CNTRL: variants seen among roughly 807,000 people sequenced by gnomAD.
CNTRL encodes the protein centriolin.
CNTRL carries 233 observed loss-of-function variants against 303.7 expected under a neutral mutation model. That is an observed-to-expected ratio of 0.77 (90% CI 0.69 to 0.86). The LOEUF (loss-of-function observed/expected upper bound fraction) is 0.86. Among genes scored for constraint, CNTRL ranks in the 40% least tolerant of loss-of-function variants. The pLI, the probability that CNTRL is intolerant of heterozygous loss-of-function variation, is 0.00. For missense variants in CNTRL, 2,524 were observed against 2,650.6 expected, an observed-to-expected ratio of 0.95 and a Z score of 1.05; for synonymous variants, 900 against 922.2, an observed-to-expected ratio of 0.98 and a Z score of 0.44.
intron 43 of CNTRL, among the ~76,000 whole-genome samples, chr9:121,175,507 G>A (rs912934932): frequency 6.6e-6 from 1 of 152,178 alleles, no homozygotes; most frequent in East Asian, 1.9e-4. Context: ...GGGCTCAAGC[G>A]ATCCTCCTGC....
At chr9:121,150,580 A>G (rs1465281143) in intron 25 of CNTRL, 97 bp downstream of exon 25, 2 of 1,138,000 alleles carry the variant, frequency 1.8e-6, no homozygotes, top group Non-Finnish European at 2.6e-6. Context: ...TGACTGGATT[A>G]TATGGCAAAG....
At chr9:121,085,016 A>G (rs2132140824) in intron 2 of CNTRL, among the ~76,000 whole-genome samples, 1 of 152,380 alleles carries the variant, frequency 6.6e-6, no homozygotes. Context: ...TTCCTTCTGG[A>G]AGATCTATAC....
At chr9:121,165,398 C>T (rs2053047526) in intron 35 of CNTRL, among the ~76,000 whole-genome samples, 1 of 152,064 alleles carries the variant, frequency 6.6e-6, no homozygotes, top group Non-Finnish European at 1.5e-5. Context: ...GTTGACCTCA[C>T]TCCTCATAGA....
At chr9:121,169,367 A>G (rs1245619355) in intron 38 of CNTRL, among the ~76,000 whole-genome samples, 1 of 152,242 alleles carries the variant, frequency 6.6e-6, no homozygotes, top group African/African-American at 2.4e-5. Context: ...GAAAGAGAAG[A>G]TAGTAGCTAT....
chr9:121,163,218 G>A (rs182068364), intron 34 of CNTRL, among the ~76,000 whole-genome samples: 65 of 150,430 alleles, frequency 4.3e-4, no homozygotes, highest in African/African-American at 1.5e-3. Flanking sequence ...AGGTTGGGAA[G>A]CTGAGGTGGG....
chr9:121,098,649 C>A, intron 7 of CNTRL, 77 bp downstream of exon 7: 3 of 944,394 alleles, frequency 3.2e-6, no homozygotes, highest in Non-Finnish European at 4.7e-6. Flanking sequence ...AAATATGTAT[C>A]ATGAACTTTA....
In CNTRL at chr9:121,135,924, G is replaced by C. The variant is rs1393822027; in HGVS notation, c.2144G>C (p.Arg715Thr). Residue 715 changes from arginine to threonine, a missense_variant, in exon 15 of 44, where the codon AGG becomes ACG. Arg to Thr is a moderately conservative substitution (Grantham distance 71). Transcript: ENST00000373855. Reference protein sequence around the residue: ...EAELEARLNLRDAEANQLKEE... With the variant: ...EAELEARLNLTDAEANQLKEE... ...GAGCTAGAGGCTCGGCTAAACCTAA[G>C]GGATGCTGAAGCCAACCAGCTCAAG... The C allele has an allele frequency of 6.2e-7, 1 of 1,613,564 alleles. No homozygotes were observed. Among genetic ancestry groups the C allele is most frequent in the African/African-American group, 1.3e-5 (1 of 74,872 alleles).
intron 7 of CNTRL, among the ~76,000 whole-genome samples, chr9:121,104,036 A>G (rs1398329642): frequency 6.6e-6 from 1 of 152,246 alleles, no homozygotes; most frequent in African/African-American, 2.4e-5. Context: ...TATATACCCA[A>G]AGGATTGTAA....
At chr9:121,089,902 T>A (rs1335427497) in intron 3 of CNTRL, among the ~76,000 whole-genome samples, 1 of 152,132 alleles carries the variant, frequency 6.6e-6, no homozygotes, top group Non-Finnish European at 1.5e-5. Flanking sequence ...TTTAAAAATG[T>A]AAACCACTTA....
At position 121,140,687 on chromosome 9, in the gene CNTRL, A is replaced by C. The variant is rs547934148; in HGVS notation, c.2384A>C (p.His795Pro). ...CAGCAACTTAAAGATTTCCAGAATC[A>C]CCTTAACCATGTGGTTGATGGTTTG... Reference protein sequence around the residue: ...LKQQLKDFQNHLNHVVDGLVR... With the variant: ...LKQQLKDFQNPLNHVVDGLVR... Residue 795 changes from histidine (H) to proline (P), a missense_variant, in exon 17 of 44, where the codon CAC becomes CCC. Coordinates refer to ENST00000373855, the MANE Select transcript of CNTRL (RefSeq NM_007018.6). The C allele has an allele frequency of 2.5e-6, 4 of 1,613,452 alleles. No individual in the cohort carries two copies. The highest frequency in any genetic ancestry group is 3.4e-6 in the Non-Finnish European group (4 of 1,179,574).
At chr9:121,123,125 A>G (rs1242138768) in intron 12 of CNTRL, among the ~76,000 whole-genome samples, 1 of 152,150 alleles carries the variant, frequency 6.6e-6, no homozygotes, top group African/African-American at 2.4e-5. Context: ...TATCTACTAT[A>G]AAAGTTTTTT....
At chr9:121,160,369 A>G (rs539924280) in intron 32 of CNTRL, 67 bp downstream of exon 32, 1 of 1,195,674 alleles carries the variant, frequency 8.4e-7, no homozygotes, top group Non-Finnish European at 1.1e-6. Flanking sequence ...AAGTCACAGA[A>G]AAAATAACAA....
intron 2 of CNTRL, among the ~76,000 whole-genome samples, chr9:121,087,173 T>G (rs948334516): frequency 1.3e-5 from 2 of 152,152 alleles, no homozygotes; most frequent in Non-Finnish European, 2.9e-5. Flanking sequence ...TGACTGAGTA[T>G]GGGACAAGGG....
chr9:121,132,296 A>G (rs2050910701), intron 14 of CNTRL, among the ~76,000 whole-genome samples: 1 of 152,280 alleles, frequency 6.6e-6, no homozygotes, highest in South Asian at 2.1e-4. Context: ...GTCTTTTCAC[A>G]TAGTCCCATA....
intron 14 of CNTRL, among the ~76,000 whole-genome samples, chr9:121,127,494 A>C (rs544009547): frequency 6.6e-6 from 1 of 152,124 alleles, no homozygotes; most frequent in East Asian, 1.9e-4. Flanking sequence ...GTGTTGTCCA[A>C]CTTTTTTTTA....
intron 39 of CNTRL, among the ~76,000 whole-genome samples, chr9:121,170,494 C>T (rs775942295): frequency 3.3e-5 from 5 of 151,778 alleles, no homozygotes; most frequent in Non-Finnish European, 7.4e-5. Context: ...CTTGCTCTGT[C>T]GCCCAGTCTG....
At chr9:121,147,218 G>A (rs908911383) in intron 23 of CNTRL, among the ~76,000 whole-genome samples, 2 of 152,192 alleles carry the variant, frequency 1.3e-5, no homozygotes, top group African/African-American at 2.4e-5. Context: ...GGCCAGGCTG[G>A]TCTCAAACTC....
intron 14 of CNTRL, among the ~76,000 whole-genome samples, chr9:121,129,121 C>A (rs2050708193): frequency 6.6e-6 from 1 of 152,200 alleles, no homozygotes; most frequent in East Asian, 1.9e-4. Flanking sequence ...CTTGGCAATG[C>A]AGGCTCTTTT....
chr9:121,128,312 T>C (rs574065305), intron 14 of CNTRL, among the ~76,000 whole-genome samples: 7 of 152,210 alleles, frequency 4.6e-5, no homozygotes, highest in African/African-American at 1.7e-4. Flanking sequence ...ATCTGTTGTT[T>C]CCTGACTTTT....
Sources: gnomAD v4.1 joint callset for allele counts (sites outside exome capture counted in the v4.1 genomes callset) on GRCh38, gnomAD v4.1.1 for gene constraint, MANE v1.5 for transcripts, NCBI Gene and HGNC (gene_info 2026-07-23, HGNC 2026-07-21) for gene names.